Variants in PDZRN4 observed in about 807,000 individuals in gnomAD.
The protein encoded by PDZRN4 is PDZ domain-containing RING finger protein 4.
PDZRN4 carries 70 observed loss-of-function variants against 99.0 expected under a neutral mutation model. The ratio of observed to expected loss-of-function variants is 0.71; its 90% confidence interval spans 0.58 to 0.86. The LOEUF is 0.86. PDZRN4 is among the 40% of genes least tolerant of loss of function. PDZRN4 has a pLI of 0.00. For synonymous variants in PDZRN4, 551 were observed against 501.6 expected, an observed-to-expected ratio of 1.10 and a Z score of -1.32; for missense variants, 1,474 against 1,331.2, an observed-to-expected ratio of 1.11 and a Z score of -1.67.
At chr12:41,458,237 A>G (rs982649082) in intron 3 of PDZRN4, among the ~76,000 whole-genome samples, 1 of 152,168 alleles carries the variant, frequency 6.6e-6, no homozygotes, top group Non-Finnish European at 1.5e-5. Context: ...GACTCACTGC[A>G]ATCTCCACTT....
chr12:41,492,967 A>G (rs2120634345), intron 3 of PDZRN4, among the ~76,000 whole-genome samples: 1 of 152,290 alleles, frequency 6.6e-6, no homozygotes, highest in South Asian at 2.1e-4. Flanking sequence ...ACAGAACTAA[A>G]TATTTATTAC....
chr12:41,411,260 C>T (rs1455319374), intron 3 of PDZRN4, among the ~76,000 whole-genome samples: 1 of 152,006 alleles, frequency 6.6e-6, no homozygotes, highest in Admixed American at 6.6e-5. Flanking sequence ...CACTGTTACC[C>T]CCAGATATAA....
intron 5 of PDZRN4, among the ~76,000 whole-genome samples, chr12:41,549,600 G>A (rs1053197192): frequency 6.6e-6 from 1 of 152,160 alleles, no homozygotes; most frequent in Non-Finnish European, 1.5e-5. Context: ...GGTCTCTTAT[G>A]GTGCCTGAAG....
At chr12:41,559,655 C>G (rs158190) in intron 7 of PDZRN4, among the ~76,000 whole-genome samples, 107,657 of 152,008 alleles carry the variant, frequency 0.71, 38,812 homozygotes, top group East Asian at 0.89. Context: ...TGAAACAACA[C>G]GACTTCTAAT....
intron 3 of PDZRN4, among the ~76,000 whole-genome samples, chr12:41,404,007 G>A (rs996383775): frequency 6.6e-6 from 1 of 152,048 alleles, no homozygotes; most frequent in Non-Finnish European, 1.5e-5. Context: ...TGATGCTGAA[G>A]TTCTTTATAT....
chr12:41,371,018 G>T (rs10880064), intron 3 of PDZRN4, among the ~76,000 whole-genome samples: 2,193 of 151,052 alleles, frequency 0.015, 49 homozygotes, highest in East Asian at 0.091. Context: ...ATGATTTTCA[G>T]TATCAACCGG....
chr12:41,269,585 T>C (rs1405503521), intron 3 of PDZRN4, among the ~76,000 whole-genome samples: 2 of 152,186 alleles, frequency 1.3e-5, no homozygotes, highest in Non-Finnish European at 2.9e-5. Flanking sequence ...TCAAATTCTT[T>C]CAGCAATTTG....
chr12:41,240,422 A>G (rs1951094601), intron 3 of PDZRN4, among the ~76,000 whole-genome samples: 1 of 152,200 alleles, frequency 6.6e-6, no homozygotes, highest in Admixed American at 6.5e-5. Context: ...TAAAATCTAA[A>G]TTTTAGAGGT....
chr12:41,394,789 G>T (rs1192185652), intron 3 of PDZRN4, among the ~76,000 whole-genome samples: 1 of 151,998 alleles, frequency 6.6e-6, no homozygotes, highest in Non-Finnish European at 1.5e-5. Flanking sequence ...GAGAGAGAGA[G>T]AGAGAGAGTG....
intron 5 of PDZRN4, among the ~76,000 whole-genome samples, chr12:41,517,013 C>A (rs1022808190): frequency 6.6e-6 from 1 of 151,934 alleles, no homozygotes; most frequent in African/African-American, 2.4e-5. Flanking sequence ...AAAAATGCCA[C>A]AAAGTTGGCA....
chr12:41,218,718 A>G (rs941209419), intron 3 of PDZRN4, among the ~76,000 whole-genome samples: 1 of 152,138 alleles, frequency 6.6e-6, no homozygotes, highest in Non-Finnish European at 1.5e-5. Context: ...GCAAATATAT[A>G]ACACAAAGAT....
chr12:41,503,515 G>T (rs1346910090), intron 3 of PDZRN4, among the ~76,000 whole-genome samples: 2 of 152,118 alleles, frequency 1.3e-5, no homozygotes, highest in Non-Finnish European at 2.9e-5. Flanking sequence ...ACTTTTCAAT[G>T]ATTTTTATAT....
At position 41,506,550 on chromosome 12, in the gene PDZRN4, G is replaced by A. The variant is rs563333611; in HGVS notation, c.938G>A (p.Arg313Gln). 3.0e-5 allele frequency: 49 copies of A among 1,613,716 alleles called. No individual in the cohort carries two copies. The highest frequency in any genetic ancestry group is 2.0e-4 in the African/African-American group (15 of 74,980). Residue 313 changes from arginine (R) to glutamine (Q), a missense_variant, in exon 4 of 10, where the codon CGA (arginine) becomes CAA (glutamine). Transcript: ENST00000402685. ...KEPIVVQVLRRTPLSRPAYGM... is the reference protein window; with the variant it reads ...KEPIVVQVLRQTPLSRPAYGM... ...CCCATTGTGGTGCAGGTGTTAAGGCGAACACCTCTTAGTAGACCAGCCTAT... is the reference window on the plus strand; with the variant it reads ...CCCATTGTGGTGCAGGTGTTAAGGCAAACACCTCTTAGTAGACCAGCCTAT...
intron 9 of PDZRN4, among the ~76,000 whole-genome samples, chr12:41,568,799 T>C (rs1031823137): frequency 2.4e-5 from 3 of 125,464 alleles, no homozygotes; most frequent in African/African-American, 7.9e-5. Context: ...TCAACATTAT[T>C]ATATGTATTT....
Position 41,544,921 on chromosome 12 carries a change from C to A in PDZRN4, c.1204-7735C>A, listed in dbSNP as rs186486451. Among the ~76,000 whole-genome samples the A allele has an allele frequency of 9.2e-5, 14 of 152,122 alleles. No homozygotes were observed. In the East Asian group the frequency reaches 1.5e-3, roughly 17 times the overall value. On this transcript the variant is annotated intron_variant, in intron 5 of 9. Transcript: ENST00000402685. ...TTTGACTTGCTGTGTGACTTTGGGC[C>A]CAAGTTCTCTCTGTGGCTTCTTTTC...
At chr12:41,259,245 A>G (rs555490667) in intron 3 of PDZRN4, among the ~76,000 whole-genome samples, 1 of 152,222 alleles carries the variant, frequency 6.6e-6, no homozygotes, top group East Asian at 1.9e-4. Context: ...TATTGAGGAG[A>G]AAAGACAGAG....
chr12:41,191,836 G>T (rs2116133), intron 2 of PDZRN4, among the ~76,000 whole-genome samples: 97,837 of 151,638 alleles, frequency 0.65, 31,708 homozygotes, highest in South Asian at 0.7. Context: ...AGGCTAGAGT[G>T]CAGTGGCACG....
chr12:41,244,603 C>T (rs572496615), intron 3 of PDZRN4, among the ~76,000 whole-genome samples: 4 of 152,126 alleles, frequency 2.6e-5, no homozygotes, highest in East Asian at 1.9e-4. Context: ...AGCAGACTCC[C>T]GCCTCAGAGT....
intron 3 of PDZRN4, among the ~76,000 whole-genome samples, chr12:41,475,592 T>C (rs1332596556): frequency 6.6e-6 from 1 of 152,218 alleles, no homozygotes; most frequent in Admixed American, 6.5e-5. Flanking sequence ...AAGTGACTTT[T>C]ATTTCTTGAT....
Sources: gnomAD v4.1 joint callset for allele counts (sites outside exome capture counted in the v4.1 genomes callset) on GRCh38, gnomAD v4.1.1 for gene constraint, MANE v1.5 for transcripts, NCBI Gene and HGNC (gene_info 2026-07-23, HGNC 2026-07-21) for gene names.